The following RPS6KA2 variants were observed in gnomAD, a reference collection of about 807,000 sequenced individuals.
RPS6KA2 encodes the protein ribosomal protein S6 kinase A2.
RPS6KA2 carries 42 observed loss-of-function variants against 91.8 expected under a neutral mutation model. The observed-to-expected ratio is 0.46, with a 90% confidence interval of 0.36 to 0.59. RPS6KA2 has a LOEUF of 0.59. Among genes scored for constraint, RPS6KA2 ranks in the 20% least tolerant of loss-of-function variants. RPS6KA2 has a pLI of 0.00. For synonymous variants in RPS6KA2, 414 were observed against 393.6 expected, an observed-to-expected ratio of 1.05 and a Z score of -0.61; for missense variants, 798 against 978.5, an observed-to-expected ratio of 0.82 and a Z score of 2.46.
rs1290955715 is a variant in RPS6KA2 at position 166,648,336 on chromosome 6, C to T, written c.124-109552G>A. Among the ~76,000 whole-genome samples the T allele has an allele frequency of 6.0e-5, 9 of 149,560 alleles. No individual in the cohort carries two copies. The South Asian group carries it at 6.3e-4, about 11-fold the overall frequency. ...ACATGCACACACACATACATGCACACGCTTCTCCTCACTCCCTGATTTTTA... is the reference window on the plus strand; with the variant it reads ...ACATGCACACACACATACATGCACATGCTTCTCCTCACTCCCTGATTTTTA... On this transcript the variant is annotated intron_variant, in intron 2 of 21. Coordinates refer to the RPS6KA2 transcript ENST00000503859. This position sits in a 1 kb window ranked among gnomAD's most constrained non-coding sequence, Gnocchi z 4.8.
At chr6:166,763,877 A>T (rs906102788) in intron 2 of RPS6KA2, among the ~76,000 whole-genome samples, 3 of 152,206 alleles carry the variant, frequency 2.0e-5, no homozygotes, top group Admixed American at 1.3e-4. Context: ...TGCACCCAGC[A>T]GTCCTTTAAA....
chr6:166,474,492 T>C lies in RPS6KA2; in HGVS notation c.908-4587A>G, dbSNP rs551847849. ...CCCCTGGGAGTCTCAGAATATCTCA[T>C]GAGTTTCTAGGAGAAGCTACAGATG... On this transcript the variant is annotated intron_variant, in intron 10 of 20. Coordinates refer to ENST00000265678, the MANE Select transcript of RPS6KA2 (RefSeq NM_021135.6). Among the ~76,000 whole-genome samples, 6 of 152,326 alleles carry C rather than the reference T, an allele frequency of 3.9e-5. 1 individual carries two copies. The East Asian group carries it at 1.2e-3, about 29-fold the overall frequency.
Position 166,413,788 on chromosome 6 carries a change from C to T in RPS6KA2, c.2076+6G>A, listed in dbSNP as rs753378868. On this transcript the variant is annotated splice_donor_region_variant and intron_variant, in intron 20 of 20. Transcript: ENST00000265678. ...CCACTCTGTCCTCACTGTCGCCTGC[C>T]GGTACCTTCACCAGGTGCACGTCCT... is the stretch of plus-strand genomic sequence containing the variant. 1.1e-5 allele frequency: 17 copies of T among 1,613,744 alleles called. No homozygotes were observed. Among genetic ancestry groups the T allele is most frequent in the African/African-American group, 2.7e-5 (2 of 74,906 alleles).
chr6:166,665,858 G>A lies in RPS6KA2; in HGVS notation c.124-127074C>T, dbSNP rs187828641. ...AGGCAGAGCTGGATCAGAAGAAGGT[G>A]CAGCTCTGCTCAGCACGGCCCCCAG... On this transcript the variant is annotated intron_variant, in intron 2 of 21. Coordinates refer to the RPS6KA2 transcript ENST00000503859. The surrounding 1 kb of genome is among the most constrained non-coding windows in gnomAD (Gnocchi z 4.5). Among the ~76,000 whole-genome samples the A allele has an allele frequency of 1.3e-5, 2 of 152,302 alleles. No individual in the cohort carries two copies. The highest frequency in any genetic ancestry group is 3.9e-4 in the East Asian group (2 of 5,186).
At chr6:166,422,704 G>A (rs1778766419) in intron 17 of RPS6KA2, among the ~76,000 whole-genome samples, 2 of 152,176 alleles carry the variant, frequency 1.3e-5, no homozygotes, top group Non-Finnish European at 2.9e-5. Flanking sequence ...GCTCCGAGCG[G>A]GGCTGGGAGC....
chr6:166,761,424 A>C (rs911199704), intron 2 of RPS6KA2, among the ~76,000 whole-genome samples: 2 of 152,244 alleles, frequency 1.3e-5, no homozygotes, highest in Non-Finnish European at 2.9e-5. Context: ...TAAAGACATT[A>C]TTTTGAAAAC....
intron 3 of RPS6KA2, among the ~76,000 whole-genome samples, chr6:166,515,634 A>G (rs1216130171): frequency 8.2e-6 from 1 of 121,676 alleles, no homozygotes; most frequent in Non-Finnish European, 1.5e-5. Flanking sequence ...TGTATCTACT[A>G]CCCTGGCTCT....
At chr6:166,641,654 G>C (rs1208093395) in intron 2 of RPS6KA2, among the ~76,000 whole-genome samples, 4 of 136,452 alleles carry the variant, frequency 2.9e-5, no homozygotes, top group Non-Finnish European at 6.3e-5. Context: ...TGGGAGGCGG[G>C]GGGTGCAGTG....
At chr6:166,477,979 T>A (rs1781039633) in intron 10 of RPS6KA2, among the ~76,000 whole-genome samples, 1 of 152,248 alleles carries the variant, frequency 6.6e-6, no homozygotes, top group Non-Finnish European at 1.5e-5. Context: ...TAGATCTGAA[T>A]TGTTGGCTCT....
intron 2 of RPS6KA2, among the ~76,000 whole-genome samples, chr6:166,826,295 C>T (rs762982898): frequency 1.5e-4 from 23 of 152,112 alleles, no homozygotes; most frequent in Non-Finnish European, 2.5e-4. Flanking sequence ...GATACGTTTC[C>T]CATTGCCACA....
At chr6:166,720,409 G>A (rs1790140173) in intron 2 of RPS6KA2, among the ~76,000 whole-genome samples, 3 of 152,194 alleles carry the variant, frequency 2.0e-5, no homozygotes, top group African/African-American at 7.2e-5. Context: ...ATGGATGGGT[G>A]ATATTGAACA....
In RPS6KA2 at chr6:166,737,172, G is replaced by A. The variant is rs1490118110; in HGVS notation, c.123+121028C>T. Among the ~76,000 whole-genome samples the A allele has an allele frequency of 6.6e-6, 1 of 152,192 alleles. No individual in the cohort carries two copies. Among genetic ancestry groups the A allele is most frequent in the Non-Finnish European group, 1.5e-5 (1 of 68,030 alleles). On this transcript the variant is annotated intron_variant, in intron 2 of 21. Transcript: ENST00000503859. This position sits in a 1 kb window ranked among gnomAD's most constrained non-coding sequence, Gnocchi z 4.3. ...CCTGGCTAAGAGACACAATTTTTAA[G>A]ACATTCCTCATCAGTTGCCAAATAT... is the stretch of plus-strand genomic sequence containing the variant.
At chr6:166,656,569 ACT>A (rs756983164) in intron 2 of RPS6KA2, among the ~76,000 whole-genome samples, 45 of 152,104 alleles carry the variant, frequency 3.0e-4, no homozygotes, top group Non-Finnish European at 4.4e-4. Flanking sequence ...TGCTCCCGTG[ACT>A]CTGCCTCCGC....
chr6:166,657,143 G>A (rs1788026175), intron 2 of RPS6KA2, among the ~76,000 whole-genome samples: 1 of 152,154 alleles, frequency 6.6e-6, no homozygotes. Context: ...GGTCCCAGGA[G>A]CCACACGAGG....
intron 2 of RPS6KA2, among the ~76,000 whole-genome samples, chr6:166,846,245 A>C (rs1292528818): frequency 6.6e-6 from 1 of 151,926 alleles, no homozygotes; most frequent in East Asian, 1.9e-4. Flanking sequence ...AAAAGTCCAG[A>C]ACCAGATGTA....
intron 2 of RPS6KA2, among the ~76,000 whole-genome samples, chr6:166,634,670 G>A (rs1030060302): frequency 3.9e-5 from 6 of 152,168 alleles, no homozygotes; most frequent in African/African-American, 4.8e-5. Flanking sequence ...TGTCCCCCAG[G>A]CTGGAGTGCA....
chr6:166,810,226 CAT>C (rs1779595057), intron 2 of RPS6KA2, among the ~76,000 whole-genome samples: 1 of 152,126 alleles, frequency 6.6e-6, no homozygotes, highest in Non-Finnish European at 1.5e-5. Flanking sequence ...CCGCCCTCAA[CAT>C]GTGGGGATTA....
chr6:166,430,383 A>C (rs1583122990), intron 16 of RPS6KA2, 70 bp downstream of exon 16: 1 of 1,402,960 alleles, frequency 7.1e-7, no homozygotes, highest in Non-Finnish European at 9.8e-7. Context: ...GAACCCATAA[A>C]CCCTTGTGGT....
intron 2 of RPS6KA2, among the ~76,000 whole-genome samples, chr6:166,799,419 A>T: frequency 6.6e-6 from 1 of 152,254 alleles, no homozygotes; most frequent in East Asian, 1.9e-4. Context: ...CAATTTATAT[A>T]CAGATTTTTT....
Sources: allele counts gnomAD v4.1 joint callset (sites outside exome capture counted in the v4.1 genomes callset), GRCh38; gene constraint gnomAD v4.1.1; non-coding constraint Gnocchi (gnomAD v3.1); transcripts MANE v1.5; gene names NCBI Gene and HGNC (gene_info 2026-07-23, HGNC 2026-07-21).